CBR4: variants seen among roughly 807,000 people sequenced by gnomAD.
CBR4 encodes the protein carbonyl reductase 4.
CBR4 carries 22 observed loss-of-function variants against 21.0 expected under a neutral mutation model. That is an observed-to-expected ratio of 1.05 (90% CI 0.75 to 1.50). The LOEUF (loss-of-function observed/expected upper bound fraction) is 1.50. Ranked by LOEUF, CBR4 falls within the 40% of genes most tolerant of loss-of-function variation. The pLI is 0.00. For missense variants in CBR4, 302 were observed against 286.3 expected (o/e 1.05, Z -0.40); for synonymous variants, 100 against 104.4 (o/e 0.96, Z 0.26).
At chr4:168,929,200 C>A (rs987676698) in intron 2 of CBR4, among the ~76,000 whole-genome samples, 1 of 152,166 alleles carries the variant, frequency 6.6e-6, no homozygotes, top group Non-Finnish European at 1.5e-5. Context: ...TACACACACA[C>A]ACACACCCAT....
chr4:168,983,531 G>A (rs535833845), downstream of CBR4, among the ~76,000 whole-genome samples: 105 of 152,078 alleles, frequency 6.9e-4, no homozygotes, highest in South Asian at 2.1e-3. Flanking sequence ...AAAAGTCAAG[G>A]AGGGACTCCT....
intron 2 of CBR4, among the ~76,000 whole-genome samples, chr4:168,905,220 G>C (rs190064789): frequency 7.9e-6 from 1 of 125,840 alleles, no homozygotes; most frequent in Non-Finnish European, 1.6e-5. Context: ...GCGCGATCTC[G>C]GCTCACTGCA....
intron 2 of CBR4, among the ~76,000 whole-genome samples, chr4:168,961,990 GAGGAA>G (rs1219446042): frequency 1.4e-5 from 2 of 139,920 alleles, no homozygotes; most frequent in African/African-American, 2.7e-5. Context: ...GAGGAGAGGA[GAGGAA>G]AGGAAAGGAG....
chr4:168,990,000 T>C lies in CBR4; in HGVS notation c.*150A>G, dbSNP rs1764832389. On this transcript the variant is annotated 3_prime_UTR_variant, in exon 5 of 5. Transcript: ENST00000306193. ...CCACAATTTGTCACACATTGTTCTT[T>C]TGAGACATATTTTTATAAAGACAGA... The C allele has an allele frequency of 2.0e-5, 25 of 1,278,456 alleles. No individual in the cohort carries two copies. In the South Asian group the frequency reaches 4.0e-4, roughly 20 times the overall value. 79.2% of individuals were successfully genotyped at this position (1,278,456 alleles called of 1,614,324 possible).
chr4:168,984,588 A>C (rs1165893626), downstream of CBR4, among the ~76,000 whole-genome samples: 1 of 152,048 alleles, frequency 6.6e-6, no homozygotes, highest in Non-Finnish European at 1.5e-5. Context: ...AAAAAGAGCC[A>C]AAGAGTCATA....
At chr4:168,944,389 G>A (rs1434835843) in intron 2 of CBR4, among the ~76,000 whole-genome samples, 3 of 151,982 alleles carry the variant, frequency 2.0e-5, no homozygotes, top group Non-Finnish European at 4.4e-5. Context: ...ATGGCAGAAG[G>A]ATTGCTTGAG....
At chr4:168,969,088 C>T (rs112500021) in intron 2 of CBR4, among the ~76,000 whole-genome samples, 1,563 of 152,314 alleles carry the variant, frequency 0.01, 17 homozygotes, top group African/African-American at 0.02. Context: ...GGTACCCAAG[C>T]AACAATGTTA....
chr4:168,919,450 G>A (rs980739783), intron 2 of CBR4, among the ~76,000 whole-genome samples: 6 of 151,814 alleles, frequency 4.0e-5, no homozygotes, highest in African/African-American at 1.5e-4. Flanking sequence ...GCTTGAACCC[G>A]GGAGGCGGAG....
rs1040860546 is a variant in CBR4 at position 168,987,804 on chromosome 4, T to TC, written c.*2345dup. ...TAAATTATCCTCTTTGCACAATTAT[T>TC]CCCCCCAAAACTAATTTATAACATA... On this transcript the variant is annotated 3_prime_UTR_variant, in exon 5 of 5. Coordinates refer to ENST00000306193, the MANE Select transcript of CBR4 (RefSeq NM_032783.5). The TC allele has an allele frequency of 3.1e-6, 3 of 981,634 alleles. No individual in the cohort carries two copies. The African/African-American group carries it at 5.3e-5, about 17-fold the overall frequency. 60.8% of individuals were successfully genotyped at this position (981,634 alleles called of 1,614,324 possible).
At chr4:168,933,848 A>G (rs1383304371) in intron 2 of CBR4, among the ~76,000 whole-genome samples, 3 of 152,250 alleles carry the variant, frequency 2.0e-5, no homozygotes, top group East Asian at 3.8e-4. Context: ...CTGGAAATCA[A>G]TAACAAGAAG....
chr4:168,950,229 C>G (rs1281841518), intron 2 of CBR4, among the ~76,000 whole-genome samples: 1 of 151,960 alleles, frequency 6.6e-6, no homozygotes, highest in Non-Finnish European at 1.5e-5. Context: ...CTGTTGTGCT[C>G]TGTTAGGCAT....
chr4:168,989,873 T>C lies in CBR4; in HGVS notation c.*277A>G, dbSNP rs1764824549. On this transcript the variant is annotated 3_prime_UTR_variant, in exon 5 of 5. Transcript: ENST00000306193. ...ATTTAAATATGTTAAAACCACTGAA[T>C]TGTGTATTTTAAATGTGTGATTATA... The C allele has an allele frequency of 5.6e-6, 6 of 1,074,026 alleles. No homozygotes were observed. The highest frequency in any genetic ancestry group is 6.8e-6 in the Non-Finnish European group (6 of 885,018). 66.5% of individuals were successfully genotyped at this position (1,074,026 alleles called of 1,614,324 possible).
chr4:168,937,415 AT>A (rs1288001944), intron 2 of CBR4, among the ~76,000 whole-genome samples: 1 of 152,166 alleles, frequency 6.6e-6, no homozygotes, highest in Admixed American at 6.5e-5. Flanking sequence ...AACGGGCAAA[AT>A]AACCAGCTAG....
In CBR4 at chr4:168,988,712, C is replaced by A; in HGVS notation, c.*1438G>T. The A allele has an allele frequency of 1.0e-6, 1 of 972,186 alleles. No homozygotes were observed. The highest frequency in any genetic ancestry group is 1.2e-6 in the Non-Finnish European group (1 of 817,924). The allele number at this position is 972,186 out of a possible 1,614,324, so 60.2% of individuals were successfully genotyped here. A position where few individuals can be genotyped will look rare whatever the true frequency, so the allele number is the denominator to read the frequency against. The stretch of plus-strand genomic sequence containing the variant: ...TGTTTAATGATACTAACTTTACTCA[C>A]ACTTAATTGACTTTCTCATATCCTG... On this transcript the variant is annotated 3_prime_UTR_variant, in exon 5 of 5. Coordinates refer to ENST00000306193, the MANE Select transcript of CBR4 (RefSeq NM_032783.5).
At chr4:168,895,179 C>T (rs1295625631) in intron 2 of CBR4, among the ~76,000 whole-genome samples, 6 of 151,974 alleles carry the variant, frequency 3.9e-5, no homozygotes, top group South Asian at 2.1e-4. Flanking sequence ...GTCAGGAGAT[C>T]GAGACCATCG....
chr4:169,010,183 A>G lies in CBR4; in HGVS notation c.-94T>C, dbSNP rs1043611684. 33 of 1,158,258 alleles carry G rather than the reference A, an allele frequency of 2.8e-5. No homozygotes were observed. The highest frequency in any genetic ancestry group is 1.4e-4 in the South Asian group (8 of 58,950). The allele number at this position is 1,158,258 out of a possible 1,614,324, so 71.7% of individuals were successfully genotyped here. On this transcript the variant is annotated 5_prime_UTR_variant, in exon 1 of 5. Coordinates refer to ENST00000306193, the MANE Select transcript of CBR4 (RefSeq NM_032783.5). ...TTAAACAACCGCGGTTCCAAAAAAA[A>G]AAAAAAGAAAAAAAAAGGCAAACCG...
At chr4:168,939,135 G>A (rs1213713133) in intron 2 of CBR4, among the ~76,000 whole-genome samples, 2 of 152,212 alleles carry the variant, frequency 1.3e-5, no homozygotes, top group Non-Finnish European at 2.9e-5. Context: ...ATGCAAGGCT[G>A]CTTCAACATA....
At chr4:168,969,688 G>C (rs2126752216) in intron 2 of CBR4, among the ~76,000 whole-genome samples, 1 of 152,192 alleles carries the variant, frequency 6.6e-6, no homozygotes, top group African/African-American at 2.4e-5. Context: ...CCGGCTAACA[G>C]CAACAACAAC....
At chr4:169,000,339 T>C (rs1730323825) in intron 4 of CBR4, among the ~76,000 whole-genome samples, 1 of 150,962 alleles carries the variant, frequency 6.6e-6, no homozygotes, top group South Asian at 2.1e-4. Context: ...TATCAAATAT[T>C]CATAGATTTA....
Sources: gnomAD v4.1 joint callset for allele counts (sites outside exome capture counted in the v4.1 genomes callset) on GRCh38, gnomAD v4.1.1 for gene constraint, MANE v1.5 for transcripts, NCBI Gene and HGNC (gene_info 2026-07-23, HGNC 2026-07-21) for gene names.